CFAP221: variants seen among roughly 807,000 people sequenced by gnomAD.
CFAP221 encodes cilia and flagella associated protein 221.
CFAP221 carries 97 observed loss-of-function variants against 113.1 expected under a neutral mutation model. That is an observed-to-expected ratio of 0.86 (90% confidence interval 0.73 to 1.02). CFAP221 has a LOEUF of 1.02. Ranked by LOEUF, CFAP221 falls within the 50% of genes least tolerant of loss-of-function variation. The pLI is 0.00. For missense variants in CFAP221, 1,025 were observed against 1,013.4 expected (o/e 1.01, Z -0.16); for synonymous variants, 331 against 354.4 (o/e 0.93, Z 0.74).
intron 16 of CFAP221, among the ~76,000 whole-genome samples, chr2:119,628,416 G>A (rs1055159093): frequency 1.3e-5 from 2 of 152,112 alleles, no homozygotes; most frequent in African/African-American, 4.8e-5. Context: ...TTGAAAAAGT[G>A]AGAGTTAACC....
At chr2:119,565,868 C>G (rs1285131537) in intron 6 of CFAP221, among the ~76,000 whole-genome samples, 1 of 152,154 alleles carries the variant, frequency 6.6e-6, no homozygotes, top group Non-Finnish European at 1.5e-5. Flanking sequence ...AAAGTGTTTT[C>G]TATTAATCCT....
intron 6 of CFAP221, among the ~76,000 whole-genome samples, chr2:119,569,930 A>G (rs1355001742): frequency 2.0e-5 from 3 of 152,200 alleles, no homozygotes; most frequent in Non-Finnish European, 4.4e-5. Flanking sequence ...AGCCCTTAGC[A>G]TATTAATTAT....
chr2:119,634,416 A>G (rs1686986417), intron 19 of CFAP221, among the ~76,000 whole-genome samples: 1 of 152,182 alleles, frequency 6.6e-6, no homozygotes, highest in Admixed American at 6.5e-5. Flanking sequence ...GCAGTGAGCC[A>G]TGATGGCACC....
At chr2:119,638,554 C>G in intron 20 of CFAP221, 137 bp downstream of exon 20, 2 of 1,122,644 alleles carry the variant, frequency 1.8e-6, no homozygotes, top group Non-Finnish European at 2.6e-6. Flanking sequence ...AACACCGCCC[C>G]TCATACCGCC....
At chr2:119,653,129 C>T (rs1310381755) in intron 23 of CFAP221, among the ~76,000 whole-genome samples, 1 of 151,606 alleles carries the variant, frequency 6.6e-6, no homozygotes. Flanking sequence ...GCCTGTAATC[C>T]CAGCGCTTTG....
At chr2:119,602,534 G>A (rs1380516726) in intron 8 of CFAP221, 1 of 828,994 alleles carries the variant, frequency 1.2e-6, no homozygotes, top group Non-Finnish European at 1.5e-6. Context: ...TACAAGTGGA[G>A]TAGCAACCTT....
intron 1 of CFAP221, 44 bp downstream of exon 1, chr2:119,544,554 C>T (rs551480935): frequency 6.6e-6 from 1 of 152,194 alleles, no homozygotes; most frequent in South Asian, 2.1e-4. Flanking sequence ...CAGGGTCGGC[C>T]GCTGGGGCGC....
intron 6 of CFAP221, among the ~76,000 whole-genome samples, chr2:119,579,327 A>G (rs1682688389): frequency 6.6e-6 from 1 of 151,984 alleles, no homozygotes; most frequent in Non-Finnish European, 1.5e-5. Flanking sequence ...ATGTTTCTTC[A>G]TTGTATATCA....
chr2:119,591,460 C>A (rs1021259433), intron 7 of CFAP221, among the ~76,000 whole-genome samples: 4 of 152,224 alleles, frequency 2.6e-5, no homozygotes, highest in Non-Finnish European at 4.4e-5. Context: ...TTGCACACAG[C>A]GTGGCTGGCA....
intron 2 of CFAP221, among the ~76,000 whole-genome samples, chr2:119,548,879 C>T (rs1292483611): frequency 6.6e-6 from 1 of 152,118 alleles, no homozygotes; most frequent in Middle Eastern, 3.2e-3. Flanking sequence ...TAGTATCTCC[C>T]AAGTGATGTT....
chr2:119,585,150 A>G (rs1683122581), intron 6 of CFAP221, among the ~76,000 whole-genome samples: 1 of 152,256 alleles, frequency 6.6e-6, no homozygotes, highest in Non-Finnish European at 1.5e-5. Flanking sequence ...ATAAATCTCA[A>G]AAACATAGTT....
At position 119,606,398 on chromosome 2, in the gene CFAP221, C is replaced by T. The variant is rs546114027; in HGVS notation, c.1133+1109C>T. 3.3e-5 allele frequency among the ~76,000 whole-genome samples: 5 copies of T among 152,178 alleles called. No individual in the cohort carries two copies. The South Asian group carries it at 8.3e-4, about 25-fold the overall frequency. On this transcript the variant is annotated intron_variant, in intron 11 of 23. Coordinates refer to ENST00000413369, the MANE Select transcript of CFAP221 (RefSeq NM_001271049.2). Reference sequence around the variant, plus strand: ...CCACCCTTCCCGACACATGAGAACACGCCCTCACCTGAAGCCCTCTGAAGG... The same window carrying T: ...CCACCCTTCCCGACACATGAGAACATGCCCTCACCTGAAGCCCTCTGAAGG...
At chr2:119,551,476 A>G (rs774784104) in intron 3 of CFAP221, among the ~76,000 whole-genome samples, 3 of 152,148 alleles carry the variant, frequency 2.0e-5, no homozygotes, top group Non-Finnish European at 2.9e-5. Context: ...TTCAACTTCA[A>G]TCTTTTGCAT....
At chr2:119,568,023 A>T (rs1681771501) in intron 6 of CFAP221, among the ~76,000 whole-genome samples, 1 of 152,196 alleles carries the variant, frequency 6.6e-6, no homozygotes, top group South Asian at 2.1e-4. Flanking sequence ...CTTTCAAATA[A>T]CACTGTACTG....
chr2:119,630,747 C>T lies in CFAP221; in HGVS notation c.1840-20C>T. On this transcript the variant is annotated intron_variant, in intron 18 of 23. Transcript: ENST00000413369. ...TTATCCTGGCATCAAAACTAACGTG[C>T]TGTCCTTGCTCCTTGTTAGGATGAA... The T allele has an allele frequency of 6.2e-7, 1 of 1,608,432 alleles. No individual in the cohort carries two copies. The highest frequency in any genetic ancestry group is 8.5e-7 in the Non-Finnish European group (1 of 1,175,036).
At position 119,546,086 on chromosome 2, in the gene CFAP221, A is replaced by G. The variant is rs1319205317; in HGVS notation, c.-46A>G. ...ATACTGCTGCTCTTTCCTCCCCAGG[A>G]CATGACCTTTGGCTCTAAAAAGAAG... is the stretch of plus-strand genomic sequence containing the variant. On this transcript the variant is annotated splice_region_variant and 5_prime_UTR_variant, in exon 2 of 24. Coordinates refer to ENST00000413369, the MANE Select transcript of CFAP221 (RefSeq NM_001271049.2). The G allele has an allele frequency of 6.6e-7, 1 of 1,505,260 alleles. No individual in the cohort carries two copies. The highest frequency in any genetic ancestry group is 8.8e-7 in the Non-Finnish European group (1 of 1,136,800). 93.2% of individuals were successfully genotyped at this position (1,505,260 alleles called of 1,614,324 possible).
At chr2:119,618,643 A>G (rs527671565) in intron 14 of CFAP221, among the ~76,000 whole-genome samples, 6 of 152,282 alleles carry the variant, frequency 3.9e-5, no homozygotes, top group South Asian at 4.2e-4. Flanking sequence ...CTAGGTTTCA[A>G]TCACAAAACT....
intron 22 of CFAP221, 146 bp downstream of exon 22, chr2:119,647,196 T>C: frequency 1.8e-6 from 1 of 569,302 alleles, no homozygotes; most frequent in African/African-American, 1.9e-5. Flanking sequence ...ATCCATACCA[T>C]CACCTAGATA....
chr2:119,607,883 C>T (rs2104687168), intron 11 of CFAP221, among the ~76,000 whole-genome samples: 1 of 152,344 alleles, frequency 6.6e-6, no homozygotes, highest in East Asian at 1.9e-4. Flanking sequence ...AATGGATATG[C>T]AACATTTTGC....
Sources: gnomAD v4.1 joint callset for allele counts (sites outside exome capture counted in the v4.1 genomes callset) on GRCh38, gnomAD v4.1.1 for gene constraint, MANE v1.5 for transcripts, NCBI Gene and HGNC (gene_info 2026-07-23, HGNC 2026-07-21) for gene names.